NCOA7: variants seen among roughly 807,000 people sequenced by gnomAD.
The protein encoded by NCOA7 is nuclear receptor coactivator 7.
NCOA7 carries 45 observed loss-of-function variants against 104.3 expected under a neutral mutation model. The observed-to-expected ratio is 0.43, with a 90% CI of 0.34 to 0.55. The LOEUF (loss-of-function observed/expected upper bound fraction) is 0.55. Ranked by LOEUF, NCOA7 falls within the 20% of genes least tolerant of loss-of-function variation. NCOA7 has a pLI of 0.02. For synonymous variants in NCOA7, 398 were observed against 402.3 expected (o/e 0.99, Z 0.13); for missense variants, 1,041 against 1,119.7 (o/e 0.93, Z 1.00).
chr6:125,874,082 C>G (rs1422552711), intron 3 of NCOA7, among the ~76,000 whole-genome samples: 2 of 152,154 alleles, frequency 1.3e-5, no homozygotes, highest in South Asian at 4.1e-4. Context: ...CCCAACACTT[C>G]AGGAGGCTGA....
At chr6:125,864,864 T>C (rs1782318209) in intron 3 of NCOA7, among the ~76,000 whole-genome samples, 1 of 137,992 alleles carries the variant, frequency 7.2e-6, no homozygotes, top group East Asian at 2.1e-4. Context: ...GAAATTGGCT[T>C]TCATATTTCT....
chr6:125,847,170 A>G (rs1181916003), intron 2 of NCOA7, among the ~76,000 whole-genome samples: 1 of 152,194 alleles, frequency 6.6e-6, no homozygotes, highest in Non-Finnish European at 1.5e-5. Context: ...CCTTGTACAC[A>G]TATTTTCTGC....
chr6:125,782,755 G>A (rs1373889601), intron 1 of NCOA7, among the ~76,000 whole-genome samples: 1 of 152,102 alleles, frequency 6.6e-6, no homozygotes, highest in Non-Finnish European at 1.5e-5. Flanking sequence ...ACCTGTAATG[G>A]GTAAGTGTGG....
Position 125,930,660 on chromosome 6 carries a change from CAATTATT to C in NCOA7, c.*1891_*1897del, listed in dbSNP as rs1330538357. On this transcript the variant is annotated 3_prime_UTR_variant, in exon 16 of 16. Coordinates refer to ENST00000392477, the MANE Select transcript of NCOA7 (RefSeq NM_181782.5). ...GTCCAGTGGCCTCCTGTCAGATCAA[CAATTATT>C]ATACTCCTTAATTCCATGCAAATTT... 3 of 152,352 alleles carry C rather than the reference CAATTATT, an allele frequency of 2.0e-5. No individual in the cohort carries two copies. The highest frequency in any genetic ancestry group is 7.2e-5 in the African/African-American group (3 of 41,440). The allele number at this position is 152,352 out of a possible 1,614,324, so 9.4% of individuals were successfully genotyped here. A position where few individuals can be genotyped will look rare whatever the true frequency, so the allele number is the denominator to read the frequency against.
chr6:125,871,370 G>A (rs931519147), intron 3 of NCOA7, among the ~76,000 whole-genome samples: 1 of 152,240 alleles, frequency 6.6e-6, no homozygotes, highest in Non-Finnish European at 1.5e-5. Context: ...AGCACCTCCA[G>A]TGCTTTGTGG....
chr6:125,792,527 T>C (rs985088041), intron 1 of NCOA7, among the ~76,000 whole-genome samples: 2 of 152,220 alleles, frequency 1.3e-5, no homozygotes, highest in Admixed American at 6.5e-5. Flanking sequence ...TGTATTCACT[T>C]ATTTTAGAGT....
At chr6:125,903,514 GCAGCTT>G (rs1346768007) in intron 10 of NCOA7, among the ~76,000 whole-genome samples, 1 of 152,070 alleles carries the variant, frequency 6.6e-6, no homozygotes, top group Non-Finnish European at 1.5e-5. Flanking sequence ...GTTTCCTATG[GCAGCTT>G]CAGCTATTCA....
At chr6:125,854,947 G>A (rs1382018842) in intron 2 of NCOA7, 73 bp from the exon 3 acceptor site, 1 of 989,700 alleles carries the variant, frequency 1.0e-6, no homozygotes, top group African/African-American at 1.6e-5. Context: ...AAGTCCAGCA[G>A]CGTGAAATTA....
At chr6:125,900,312 C>T (rs1785389882) in intron 10 of NCOA7, among the ~76,000 whole-genome samples, 1 of 152,194 alleles carries the variant, frequency 6.6e-6, no homozygotes, top group Non-Finnish European at 1.5e-5. Context: ...GCAAAGAAAA[C>T]ATATTTACTT....
chr6:125,805,218 C>T (rs773364191), intron 1 of NCOA7, among the ~76,000 whole-genome samples: 4 of 150,616 alleles, frequency 2.7e-5, no homozygotes, highest in Non-Finnish European at 5.9e-5. Flanking sequence ...GCCTCAGCCT[C>T]CTGAGTAGCT....
At chr6:125,844,571 A>G (rs1780436822) in intron 2 of NCOA7, among the ~76,000 whole-genome samples, 2 of 152,184 alleles carry the variant, frequency 1.3e-5, no homozygotes, top group Admixed American at 6.6e-5. Context: ...TTGGCATATA[A>G]TGGCTCATAA....
intron 2 of NCOA7, among the ~76,000 whole-genome samples, chr6:125,838,865 G>T (rs1460236269): frequency 6.6e-6 from 1 of 151,890 alleles, no homozygotes; most frequent in African/African-American, 2.4e-5. Context: ...TATTATAAAG[G>T]ATATAACTCA....
At chr6:125,920,633 T>C (rs556593161) in intron 11 of NCOA7, among the ~76,000 whole-genome samples, 2 of 152,348 alleles carry the variant, frequency 1.3e-5, no homozygotes, top group African/African-American at 4.8e-5. Flanking sequence ...CTCAAACTCC[T>C]GGGCTCAAGC....
intron 1 of NCOA7, among the ~76,000 whole-genome samples, chr6:125,804,178 A>G (rs1776190765): frequency 6.6e-6 from 1 of 152,238 alleles, no homozygotes; most frequent in Admixed American, 6.5e-5. Flanking sequence ...CTGCAAAAAA[A>G]TCAAACGGGC....
rs1774787522 is a variant in NCOA7 at position 125,790,970 on chromosome 6, G to A, written c.-162G>A. On this transcript the variant is annotated 5_prime_UTR_variant, in exon 1 of 16. Transcript: ENST00000392477. ...CTCCTTCCACCCGCCGAGAGGATGC[G>A]CTCCCCGGCGCCCAGCAGCAGAGGC... 1.3e-5 allele frequency: 2 copies of A among 152,958 alleles called. No individual in the cohort carries two copies. Among genetic ancestry groups the A allele is most frequent in the East Asian group, 1.9e-4 (1 of 5,214 alleles). 9.5% of individuals were successfully genotyped at this position (152,958 alleles called of 1,614,324 possible). A position where few individuals can be genotyped will look rare whatever the true frequency, so the allele number is the denominator to read the frequency against.
chr6:125,855,111 G>A lies in NCOA7; in HGVS notation c.142G>A (p.Val48Ile), dbSNP rs1319240164. ...TACTGGGAAGGAAGATAATAATACA[G>A]TAGTTTTAGAGCCAGACAAGTGCAA... is the stretch of plus-strand genomic sequence containing the variant. ...THTGKEDNNTVVLEPDKCNIA... is the reference protein window; with the variant it reads ...THTGKEDNNTIVLEPDKCNIA... The change falls in exon 3 of 16, where the codon GTA (valine) becomes ATA (isoleucine). Residue 48 changes from valine to isoleucine, a missense_variant. By Grantham distance (29) the Val-to-Ile change is conservative. This residue lies in a region of NCOA7 where 914 missense variants were observed against 942.7 expected (regional missense o/e 0.97). Coordinates refer to ENST00000392477, the MANE Select transcript of NCOA7 (RefSeq NM_181782.5). 2 of 1,613,138 alleles carry A rather than the reference G, an allele frequency of 1.2e-6. No homozygotes were observed. The highest frequency in any genetic ancestry group is 1.7e-6 in the Non-Finnish European group (2 of 1,179,796).
intron 2 of NCOA7, among the ~76,000 whole-genome samples, chr6:125,824,441 A>G (rs1386632497): frequency 2.0e-5 from 3 of 152,178 alleles, no homozygotes; most frequent in Non-Finnish European, 4.4e-5. Flanking sequence ...AATAGTACCT[A>G]CCTTATAAGG....
intron 2 of NCOA7, among the ~76,000 whole-genome samples, chr6:125,824,310 A>C (rs1341788649): frequency 6.6e-6 from 1 of 152,178 alleles, no homozygotes; most frequent in African/African-American, 2.4e-5. Context: ...CAAAACCCCC[A>C]GATGGAACTA....
upstream of NCOA7, among the ~76,000 whole-genome samples, chr6:125,786,776 G>A (rs955509099): frequency 3.3e-5 from 5 of 151,904 alleles, no homozygotes; most frequent in African/African-American, 1.2e-4. Context: ...GAGTTTCATC[G>A]TGTTGGCCAG....
Sources: allele counts gnomAD v4.1 joint callset (sites outside exome capture counted in the v4.1 genomes callset), GRCh38; gene constraint gnomAD v4.1.1; regional missense constraint gnomAD v4.1.1; transcripts MANE v1.5; gene names NCBI Gene and HGNC (gene_info 2026-07-23, HGNC 2026-07-21).